Variants in DSTN observed in about 807,000 individuals in gnomAD.
DSTN encodes destrin.
A neutral mutation model predicts 16.8 loss-of-function variants in DSTN; 10 were observed. That is an observed-to-expected ratio of 0.60 (90% CI 0.37 to 1.01). The LOEUF is 1.01. DSTN is among the 50% of genes least tolerant of loss of function. The pLI is 0.01. For synonymous variants in DSTN, 57 were observed against 58.9 expected, an observed-to-expected ratio of 0.97 and a Z score of 0.14; for missense variants, 141 against 196.7, an observed-to-expected ratio of 0.72 and a Z score of 1.69.
At chr20:17,593,622 G>A (rs2035494783) in intron 1 of DSTN, among the ~76,000 whole-genome samples, 1 of 152,202 alleles carries the variant, frequency 6.6e-6, no homozygotes. Flanking sequence ...ATTAGCCAAA[G>A]AACTGTAGGG....
At chr20:17,588,673 A>G (rs1284154425) in intron 1 of DSTN, among the ~76,000 whole-genome samples, 1 of 152,134 alleles carries the variant, frequency 6.6e-6, no homozygotes, top group Non-Finnish European at 1.5e-5. Flanking sequence ...AGTCCCAGCT[A>G]CTTGGGAGGC....
At chr20:17,587,024 T>C (rs529237514) in intron 1 of DSTN, among the ~76,000 whole-genome samples, 52 of 151,454 alleles carry the variant, frequency 3.4e-4, no homozygotes, top group African/African-American at 1.2e-3. Flanking sequence ...TAAAAATATA[T>C]ATATATTCAG....
Position 17,608,535 on chromosome 20 carries a change from T to TG in DSTN, c.*1392dup, listed in dbSNP as rs916127468. The TG allele has an allele frequency of 6.7e-6, 1 of 149,294 alleles. No homozygotes were observed. Among genetic ancestry groups the TG allele is most frequent in the African/African-American group, 2.5e-5 (1 of 40,346 alleles). The allele number at this position is 149,294 out of a possible 1,614,324, so 9.2% of individuals were successfully genotyped here. A position where few individuals can be genotyped will look rare whatever the true frequency, so the allele number is the denominator to read the frequency against. On this transcript the variant is annotated 3_prime_UTR_variant, in exon 4 of 4. Coordinates refer to ENST00000246069, the MANE Select transcript of DSTN (RefSeq NM_006870.4). ...GTCCCAGCTACTTTGGATGCTGAGG[T>TG]GGGAGGATCACTTGAGCCCAGGAGG...
At chr20:17,583,302 T>C (rs1274851836) in intron 1 of DSTN, among the ~76,000 whole-genome samples, 3 of 135,214 alleles carry the variant, frequency 2.2e-5, no homozygotes, top group Non-Finnish European at 1.6e-5. Flanking sequence ...AAAATTAAAC[T>C]TGGGAGCTAC....
chr20:17,606,979 G>A, intron 3 of DSTN, 58 bp from the exon 4 acceptor site: 1 of 1,567,782 alleles, frequency 6.4e-7, no homozygotes. Context: ...GGTTATCTTA[G>A]AGAAAGAGGT....
chr20:17,576,513 C>G (rs1479891902), intron 1 of DSTN: 1 of 154,364 alleles, frequency 6.5e-6, no homozygotes, highest in African/African-American at 2.4e-5. Flanking sequence ...TCACATCATA[C>G]GTAGATTTTT....
rs531262254 is a variant in DSTN at position 17,574,744 on chromosome 20, A to T, written c.3+4533A>T. Among the ~76,000 whole-genome samples the T allele has an allele frequency of 6.7e-4, 100 of 149,798 alleles. 1 individual carries two copies. The Middle Eastern group carries it at 0.011, about 16-fold the overall frequency. On this transcript the variant is annotated intron_variant, in intron 1 of 3. Transcript: ENST00000246069. ...CAGTCTCAAAAAAAAAAAAAAAAAA[A>T]AAATTAAAAGTCTAAAAAACAAACA...
chr20:17,571,806 A>G (rs1488414125), intron 1 of DSTN, among the ~76,000 whole-genome samples: 1 of 152,232 alleles, frequency 6.6e-6, no homozygotes, highest in East Asian at 1.9e-4. Flanking sequence ...TTAAAGCTTA[A>G]CTAAATTCAA....
In DSTN at chr20:17,608,848, G is replaced by T. The variant is rs1010773661; in HGVS notation, c.*1702G>T. 1.3e-5 allele frequency: 2 copies of T among 152,168 alleles called. No homozygotes were observed. The highest frequency in any genetic ancestry group is 4.8e-5 in the African/African-American group (2 of 41,440). 9.4% of individuals were successfully genotyped at this position (152,168 alleles called of 1,614,324 possible). A position where few individuals can be genotyped will look rare whatever the true frequency, so the allele number is the denominator to read the frequency against. ...CAGCTGTGCATTATTACATGTCAAAGACTGCATATACTATGGTGGTCCCAT... is the reference window on the plus strand; with the variant it reads ...CAGCTGTGCATTATTACATGTCAAATACTGCATATACTATGGTGGTCCCAT... On this transcript the variant is annotated 3_prime_UTR_variant, in exon 4 of 4. Transcript: ENST00000246069.
intron 1 of DSTN, among the ~76,000 whole-genome samples, chr20:17,592,270 T>A (rs2035477652): frequency 6.6e-6 from 1 of 151,770 alleles, no homozygotes; most frequent in East Asian, 1.9e-4. Context: ...TATAAAAAAA[T>A]ACAAAAATTA....
intron 2 of DSTN, among the ~76,000 whole-genome samples, chr20:17,604,317 C>T (rs2035618203): frequency 6.6e-6 from 1 of 152,106 alleles, no homozygotes; most frequent in Non-Finnish European, 1.5e-5. Context: ...TGTCTTTTGC[C>T]ACCAGTGGTT....
chr20:17,587,898 C>G (rs1161293019), intron 1 of DSTN, among the ~76,000 whole-genome samples: 1 of 152,142 alleles, frequency 6.6e-6, no homozygotes, highest in Non-Finnish European at 1.5e-5. Flanking sequence ...GCTTTATTAG[C>G]CACACATCAA....
Position 17,600,854 on chromosome 20 carries a change from C to A in DSTN, c.120C>A (p.Leu40=), listed in dbSNP as rs756585970. 2 of 1,613,772 alleles carry A rather than the reference C, an allele frequency of 1.2e-6. No homozygotes were observed. The highest frequency in any genetic ancestry group is 1.7e-6 in the Non-Finnish European group (2 of 1,179,800). ...GAAAGAAGGCTGTCATTTTTTGTCTCAGTGCAGACAAAAAGTGCATCATTG... is the reference window on the plus strand; with the variant it reads ...GAAAGAAGGCTGTCATTTTTTGTCTAAGTGCAGACAAAAAGTGCATCATTG... ...KKRKKAVIFC[L]SADKKCIIVE... Residue 40 remains leucine, a synonymous_variant, in exon 2 of 4, where the codon CTC becomes CTA. Transcript: ENST00000246069.
At chr20:17,573,490 A>G (rs1025331598) in intron 1 of DSTN, among the ~76,000 whole-genome samples, 3 of 152,126 alleles carry the variant, frequency 2.0e-5, no homozygotes, top group East Asian at 1.9e-4. Flanking sequence ...AAGTTTTTAT[A>G]ATAGGCAATT....
chr20:17,597,184 A>G (rs1224762950), intron 1 of DSTN, among the ~76,000 whole-genome samples: 5 of 152,230 alleles, frequency 3.3e-5, no homozygotes, highest in Admixed American at 3.3e-4. Flanking sequence ...CTAAAGCAGT[A>G]AAAGGTTTAA....
At chr20:17,602,592 T>C (rs559066260) in intron 2 of DSTN, among the ~76,000 whole-genome samples, 1 of 152,318 alleles carries the variant, frequency 6.6e-6, no homozygotes, top group East Asian at 1.9e-4. Context: ...TAAGAAAAGG[T>C]AGAACCTTAT....
intron 2 of DSTN, among the ~76,000 whole-genome samples, chr20:17,602,473 G>GT (rs1253304438): frequency 6.6e-6 from 1 of 151,988 alleles, no homozygotes; most frequent in Admixed American, 6.5e-5. Context: ...TATGTATTTT[G>GT]TAATTATGAA....
chr20:17,590,333 C>G (rs993886943), intron 1 of DSTN, among the ~76,000 whole-genome samples: 1 of 152,134 alleles, frequency 6.6e-6, no homozygotes, highest in Non-Finnish European at 1.5e-5. Context: ...TGCAGGGCCT[C>G]AGATGTATTG....
intron 1 of DSTN, among the ~76,000 whole-genome samples, chr20:17,570,886 C>T (rs887676756): frequency 5.3e-5 from 8 of 152,172 alleles, no homozygotes; most frequent in African/African-American, 1.9e-4. Context: ...TGTTTTAACC[C>T]TTCCCTGCCC....
Sources: allele counts gnomAD v4.1 joint callset (sites outside exome capture counted in the v4.1 genomes callset), GRCh38; gene constraint gnomAD v4.1.1; transcripts MANE v1.5; gene names NCBI Gene and HGNC (gene_info 2026-07-23, HGNC 2026-07-21).